SPAM1: variants seen among roughly 807,000 people sequenced by gnomAD.
SPAM1 encodes hyaluronidase PH-20.
SPAM1 carries 22 observed loss-of-function variants against 29.6 expected under a neutral mutation model. The observed-to-expected ratio is 0.74, with a 90% CI of 0.53 to 1.06. The LOEUF (loss-of-function observed/expected upper bound fraction) is 1.06. SPAM1 is among the 50% of genes least tolerant of loss of function. The probability of loss-of-function intolerance (pLI) is 0.00; values close to 1 mark genes in which losing one functional copy is unlikely to be tolerated. For missense variants in SPAM1, 534 were observed against 604.0 expected, an observed-to-expected ratio of 0.88 and a Z score of 1.21; for synonymous variants, 194 against 204.6, an observed-to-expected ratio of 0.95 and a Z score of 0.44.
At chr7:123,957,098 T>C (rs1200217721) in intron 4 of SPAM1, among the ~76,000 whole-genome samples, 1 of 152,028 alleles carries the variant, frequency 6.6e-6, no homozygotes, top group Non-Finnish European at 1.5e-5. Context: ...TCATGTCCCT[T>C]ATATTGGGAA....
At chr7:123,943,557 A>G (rs1188599424) in intron 1 of SPAM1, among the ~76,000 whole-genome samples, 1 of 152,166 alleles carries the variant, frequency 6.6e-6, no homozygotes, top group Non-Finnish European at 1.5e-5. Flanking sequence ...TGTAAATATA[A>G]TTCAAAGAAG....
At chr7:123,955,287 A>G (rs1447147198) in intron 4 of SPAM1, among the ~76,000 whole-genome samples, 1 of 152,040 alleles carries the variant, frequency 6.6e-6, no homozygotes, top group African/African-American at 2.4e-5. Flanking sequence ...CAGTGGGGAA[A>G]TAGAAATTTA....
chr7:123,940,041 G>T (rs773435502), intron 1 of SPAM1, among the ~76,000 whole-genome samples: 2 of 151,242 alleles, frequency 1.3e-5, no homozygotes, highest in Non-Finnish European at 2.9e-5. Flanking sequence ...TTCCCCTATT[G>T]CAATTGTTTT....
chr7:123,948,155 CT>C (rs1332472629), intron 1 of SPAM1, among the ~76,000 whole-genome samples: 10 of 152,090 alleles, frequency 6.6e-5, no homozygotes, highest in Non-Finnish European at 2.9e-5. Flanking sequence ...ACAAAAGCTC[CT>C]TTCATTCGTG....
intron 1 of SPAM1, among the ~76,000 whole-genome samples, chr7:123,935,579 C>G (rs1348519307): frequency 6.6e-6 from 1 of 152,134 alleles, no homozygotes; most frequent in African/African-American, 2.4e-5. Context: ...AAGGAATTCT[C>G]AGACAGATAA....
At chr7:123,957,736 TG>T (rs1346112447) in intron 4 of SPAM1, among the ~76,000 whole-genome samples, 2 of 152,060 alleles carry the variant, frequency 1.3e-5, no homozygotes, top group African/African-American at 4.8e-5. Flanking sequence ...TTTGGGTTGT[TG>T]GCAGATTCAC....
At chr7:123,941,268 G>T (rs772162702) in intron 1 of SPAM1, among the ~76,000 whole-genome samples, 15 of 152,158 alleles carry the variant, frequency 9.9e-5, no homozygotes, top group Non-Finnish European at 2.2e-4. Flanking sequence ...GCCTCAGGAG[G>T]TCCTGACAAT....
At chr7:123,963,268 T>C (rs1792383725), downstream of SPAM1, among the ~76,000 whole-genome samples, 1 of 151,882 alleles carries the variant, frequency 6.6e-6, no homozygotes, top group Non-Finnish European at 1.5e-5. Context: ...ACCTGATAGG[T>C]GAAAATGACA....
chr7:123,930,859 T>G (rs1808054552), intron 1 of SPAM1, among the ~76,000 whole-genome samples: 1 of 152,128 alleles, frequency 6.6e-6, no homozygotes, highest in Admixed American at 6.6e-5. Context: ...GCAAGCTCCA[T>G]CTAACCCAAA....
Position 123,953,465 on chromosome 7 carries a change from A to G in SPAM1, c.-106A>G. 1.7e-6 allele frequency: 1 copy of G among 601,958 alleles called. No individual in the cohort carries two copies. Among genetic ancestry groups the G allele is most frequent in the South Asian group, 2.4e-5 (1 of 41,870 alleles). 37.3% of individuals were successfully genotyped at this position (601,958 alleles called of 1,614,324 possible). A position where few individuals can be genotyped will look rare whatever the true frequency, so the allele number is the denominator to read the frequency against. Reference sequence around the variant, plus strand: ...TTATACCTCTTTATCCATCAAAGTGAATTCATTCCATTCCCTTTCATCTGT... The same window carrying G: ...TTATACCTCTTTATCCATCAAAGTGGATTCATTCCATTCCCTTTCATCTGT... On this transcript the variant is annotated 5_prime_UTR_variant, in exon 3 of 5. Coordinates refer to ENST00000682466, the MANE Select transcript of SPAM1 (RefSeq NM_153189.3).
exon 6 of SPAM1, chr7:123,970,270 T>A (rs376774858): frequency 6.5e-7 from 1 of 1,547,678 alleles, no homozygotes; most frequent in African/African-American, 1.4e-5. Context: ...GAAAAATGTG[T>A]TTCAGGCCTC....
At chr7:123,953,097 T>C (rs1792152138) in intron 2 of SPAM1, among the ~76,000 whole-genome samples, 2 of 152,100 alleles carry the variant, frequency 1.3e-5, no homozygotes, top group Admixed American at 1.3e-4. Flanking sequence ...TACAGCATTC[T>C]GTACAACCAG....
chr7:123,940,325 G>A (rs896554604), intron 1 of SPAM1, among the ~76,000 whole-genome samples: 1 of 151,946 alleles, frequency 6.6e-6, no homozygotes, highest in Admixed American at 6.6e-5. Context: ...AAAATTAAAG[G>A]TGTATTATAT....
At chr7:123,930,926 A>G (rs1248924898) in intron 1 of SPAM1, among the ~76,000 whole-genome samples, 2 of 152,168 alleles carry the variant, frequency 1.3e-5, no homozygotes, top group Non-Finnish European at 2.9e-5. Context: ...TCAGGGGTTC[A>G]GATGTCCTTC....
chr7:123,970,764 C>T (rs1353092377), intron 6 of SPAM1, among the ~76,000 whole-genome samples: 1 of 151,794 alleles, frequency 6.6e-6, no homozygotes, highest in Non-Finnish European at 1.5e-5. Context: ...TATATGAATG[C>T]ATGCATTACA....
At position 123,954,162 on chromosome 7, in the gene SPAM1, G is replaced by A; in HGVS notation, c.592G>A (p.Asp198Asn). Residue 198 changes from aspartate (D) to asparagine (N), a missense_variant, in exon 3 of 5, where the codon GAT becomes AAT. By Grantham distance (23) the Asp-to-Asn change is conservative (BLOSUM62 1). Coordinates refer to ENST00000682466, the MANE Select transcript of SPAM1 (RefSeq NM_153189.3). The part of the protein sequence containing the change: ...AKQEFEKAGK[D>N]FLVETIKLGK... ...ACAAGAATTTGAAAAGGCAGGGAAG[G>A]ATTTCCTGGTAGAGACTATAAAATT... The A allele has an allele frequency of 6.2e-7, 1 of 1,613,232 alleles. No homozygotes were observed. The highest frequency in any genetic ancestry group is 8.5e-7 in the Non-Finnish European group (1 of 1,179,594).
Position 123,954,183 on chromosome 7 carries a change from A to G in SPAM1, c.613A>G (p.Lys205Glu), listed in dbSNP as rs1309963063. The G allele has an allele frequency of 6.2e-7, 1 of 1,613,480 alleles. No individual in the cohort carries two copies. Among genetic ancestry groups the G allele is most frequent in the African/African-American group, 1.3e-5 (1 of 74,876 alleles). Reference sequence around the variant, plus strand: ...GAAGGATTTCCTGGTAGAGACTATAAAATTGGGAAAATTACTTCGGCCAAA... The same window carrying G: ...GAAGGATTTCCTGGTAGAGACTATAGAATTGGGAAAATTACTTCGGCCAAA... ...AGKDFLVETI[K>E]LGKLLRPNHL... Residue 205 changes from lysine to glutamate, a missense_variant, in exon 3 of 5, where the codon AAA becomes GAA. Transcript: ENST00000682466.
intron 4 of SPAM1, among the ~76,000 whole-genome samples, chr7:123,959,004 A>G (rs565902850): frequency 6.6e-6 from 1 of 152,026 alleles, no homozygotes; most frequent in African/African-American, 2.4e-5. Flanking sequence ...AATTATCCTT[A>G]TTTTCCAGAT....
intron 4 of SPAM1, among the ~76,000 whole-genome samples, chr7:123,956,108 A>G (rs992305829): frequency 2.0e-5 from 3 of 152,016 alleles, no homozygotes; most frequent in East Asian, 3.9e-4. Flanking sequence ...TTGACATGAC[A>G]TACTATTTAA....
Sources: gnomAD v4.1 joint callset for allele counts (sites outside exome capture counted in the v4.1 genomes callset) on GRCh38, gnomAD v4.1.1 for gene constraint, MANE v1.5 for transcripts, NCBI Gene and HGNC (gene_info 2026-07-23, HGNC 2026-07-21) for gene names.